Variants in VPS13B observed in about 807,000 individuals in gnomAD.
VPS13B encodes intermembrane lipid transfer protein VPS13B.
In VPS13B, 285 loss-of-function variants were observed where a neutral mutation model predicts 426.4. The observed-to-expected ratio is 0.67, with a 90% CI of 0.61 to 0.74. VPS13B has a LOEUF of 0.74. Ranked by LOEUF, VPS13B falls within the 30% of genes least tolerant of loss-of-function variation. The probability of loss-of-function intolerance (pLI) is 0.00; values close to 1 mark genes in which losing one functional copy is unlikely to be tolerated. For synonymous variants in VPS13B, 1,676 were observed against 1,676.4 expected (o/e 1.00, Z 0.01); for missense variants, 4,537 against 4,782.6 (o/e 0.95, Z 1.51).
At position 99,125,486 on chromosome 8, in the gene VPS13B, CAT is replaced by C. The variant is rs1588065686; in HGVS notation, c.1206+4043_1206+4044del. ...TGTTAAACTCCTTCGGCAGCACCCTCATAGACACACCCAAGAACAATACTTTG... is the reference window on the plus strand; with the variant it reads ...TGTTAAACTCCTTCGGCAGCACCCTCAGACACACCCAAGAACAATACTTTG... On this transcript the variant is annotated intron_variant, in intron 8 of 61. Transcript: ENST00000357162. 2.6e-5 allele frequency among the ~76,000 whole-genome samples: 4 copies of C among 152,320 alleles called. No individual in the cohort carries two copies. In the East Asian group the frequency reaches 5.8e-4, roughly 22 times the overall value.
At chr8:99,537,250 A>G (rs1823299149) in intron 30 of VPS13B, among the ~76,000 whole-genome samples, 1 of 152,214 alleles carries the variant, frequency 6.6e-6, no homozygotes, top group African/African-American at 2.4e-5. Flanking sequence ...TGTCCAAGTT[A>G]AAGTATAGGC....
chr8:99,435,095 A>G (rs754627917), intron 22 of VPS13B, among the ~76,000 whole-genome samples: 1 of 152,200 alleles, frequency 6.6e-6, no homozygotes, highest in African/African-American at 2.4e-5. Flanking sequence ...GTCAAGAGGA[A>G]TGTTACTTAT....
chr8:99,183,760 A>T (rs970358827), intron 16 of VPS13B, among the ~76,000 whole-genome samples: 1 of 152,156 alleles, frequency 6.6e-6, no homozygotes, highest in African/African-American at 2.4e-5. Context: ...TTAAAAAATG[A>T]CTATATTGAG....
intron 15 of VPS13B, among the ~76,000 whole-genome samples, chr8:99,164,277 C>T (rs886334009): frequency 6.6e-6 from 1 of 152,166 alleles, no homozygotes; most frequent in Non-Finnish European, 1.5e-5. Context: ...ATGGCTGCCA[C>T]AGGACCTAGA....
chr8:99,026,172 C>A (rs1350056167), intron 2 of VPS13B, among the ~76,000 whole-genome samples: 1 of 152,022 alleles, frequency 6.6e-6, no homozygotes, highest in Non-Finnish European at 1.5e-5. Flanking sequence ...TTGCTATATT[C>A]CGTAGGATTT....
At chr8:99,135,756 C>G in intron 11 of VPS13B, 23 bp downstream of exon 11, 1 of 1,612,342 alleles carries the variant, frequency 6.2e-7, no homozygotes, top group Non-Finnish European at 8.5e-7. Flanking sequence ...ATATTTGAAC[C>G]AAATTCTAGG....
chr8:99,767,583 T>C (rs1811290696), intron 40 of VPS13B, among the ~76,000 whole-genome samples: 2 of 150,320 alleles, frequency 1.3e-5, no homozygotes, highest in Non-Finnish European at 2.9e-5. Flanking sequence ...ACCCAATGGA[T>C]TTTATACAGA....
At chr8:99,732,160 G>T (rs1220101359) in intron 39 of VPS13B, among the ~76,000 whole-genome samples, 1 of 152,182 alleles carries the variant, frequency 6.6e-6, no homozygotes, top group Non-Finnish European at 1.5e-5. Flanking sequence ...ATGAAAGACA[G>T]AAAATATGCA....
chr8:99,269,720 A>T (rs966356923), intron 17 of VPS13B, among the ~76,000 whole-genome samples: 1 of 152,172 alleles, frequency 6.6e-6, no homozygotes, highest in Non-Finnish European at 1.5e-5. Flanking sequence ...TGAGAGAAGT[A>T]TTCCTGTGAG....
intron 25 of VPS13B, among the ~76,000 whole-genome samples, chr8:99,482,455 A>G (rs569453083): frequency 6.6e-6 from 1 of 152,362 alleles, no homozygotes; most frequent in East Asian, 1.9e-4. Flanking sequence ...AATTTAAGAT[A>G]CAGTATTATG....
intron 40 of VPS13B, among the ~76,000 whole-genome samples, chr8:99,776,056 C>G (rs1395721524): frequency 1.3e-5 from 2 of 152,062 alleles, no homozygotes; most frequent in African/African-American, 2.4e-5. Flanking sequence ...TGAGTGAGTG[C>G]TTAATAAAGA....
intron 60 of VPS13B, 165 bp downstream of exon 60, chr8:99,871,052 G>A (rs1270704252): frequency 2.7e-6 from 2 of 733,098 alleles, no homozygotes; most frequent in African/African-American, 3.5e-5. Flanking sequence ...GACAGGAAGA[G>A]GCTGCTGTTG....
chr8:99,856,607 G>A (rs1479490132), intron 56 of VPS13B, among the ~76,000 whole-genome samples: 3 of 152,220 alleles, frequency 2.0e-5, no homozygotes, highest in African/African-American at 4.8e-5. Flanking sequence ...TTGGGAGGCC[G>A]AGGTGGGCGA....
intron 21 of VPS13B, among the ~76,000 whole-genome samples, chr8:99,403,604 C>T (rs1448877232): frequency 6.6e-6 from 1 of 151,228 alleles, no homozygotes; most frequent in Non-Finnish European, 1.5e-5. Context: ...TGTCTTAAAT[C>T]ATGTGCCGAC....
intron 16 of VPS13B, 80 bp downstream of exon 16, chr8:99,170,243 T>C (rs772274475): frequency 1.4e-5 from 22 of 1,521,790 alleles, no homozygotes; most frequent in Non-Finnish European, 1.9e-5. Flanking sequence ...GTATCTGTCT[T>C]ATGCCCATGC....
At chr8:99,078,003 A>C (rs932779887) in intron 3 of VPS13B, among the ~76,000 whole-genome samples, 6 of 150,382 alleles carry the variant, frequency 4.0e-5, no homozygotes, top group African/African-American at 1.2e-4. Flanking sequence ...TTATTCATTG[A>C]GTTTTTCAGT....
chr8:99,209,289 AAAC>A (rs1276299316), intron 17 of VPS13B, among the ~76,000 whole-genome samples: 1 of 150,958 alleles, frequency 6.6e-6, no homozygotes. Flanking sequence ...CTCAAAAAAA[AAAC>A]AAAACAAAAA....
At chr8:99,104,798 A>AT (rs1846955702) in intron 5 of VPS13B, among the ~76,000 whole-genome samples, 1 of 151,218 alleles carries the variant, frequency 6.6e-6, no homozygotes, top group Non-Finnish European at 1.5e-5. Flanking sequence ...TAATTTTTGT[A>AT]TTTTTTTGTA....
chr8:99,447,376 T>G (rs1222217365), intron 23 of VPS13B, among the ~76,000 whole-genome samples: 5 of 152,214 alleles, frequency 3.3e-5, no homozygotes, highest in African/African-American at 1.2e-4. Flanking sequence ...GAGGATCATA[T>G]AAAGAAGGGA....
Sources: gnomAD v4.1 joint callset for allele counts (sites outside exome capture counted in the v4.1 genomes callset) on GRCh38, gnomAD v4.1.1 for gene constraint, MANE v1.5 for transcripts, NCBI Gene and HGNC (gene_info 2026-07-23, HGNC 2026-07-21) for gene names.